NCAM2: variants seen among roughly 807,000 people sequenced by gnomAD.
NCAM2 encodes the protein neural cell adhesion molecule 2.
Under a neutral mutation model 98.1 loss-of-function variants are expected in NCAM2, and 30 were observed. That is an observed-to-expected ratio of 0.31 (90% confidence interval 0.23 to 0.41). The LOEUF is 0.41. NCAM2 is among the 10% of genes least tolerant of loss of function. The pLI, the probability that NCAM2 is intolerant of heterozygous loss-of-function variation, is 1.00. For missense variants in NCAM2, 867 were observed against 1,005.8 expected, an observed-to-expected ratio of 0.86 and a Z score of 1.87; for synonymous variants, 368 against 342.4, an observed-to-expected ratio of 1.07 and a Z score of -0.83.
At chr21:21,502,485 A>T (rs945268739) in intron 15 of NCAM2, among the ~76,000 whole-genome samples, 1 of 151,940 alleles carries the variant, frequency 6.6e-6, no homozygotes, top group Non-Finnish European at 1.5e-5. Context: ...ATTAGATATC[A>T]CCAGGTAGAA....
Position 21,315,277 on chromosome 21 carries a change from G to A in NCAM2, c.620-9106G>A, listed in dbSNP as rs1032492166. 2.4e-4 allele frequency among the ~76,000 whole-genome samples: 36 copies of A among 152,128 alleles called. 1 individual carries two copies. The highest frequency in any genetic ancestry group is 2.2e-3 in the Admixed American group (34 of 15,268). On this transcript the variant is annotated intron_variant, in intron 5 of 17. Transcript: ENST00000400546. ...AAAATCTTAGCAATGTTTAGAATCC[G>A]ATTCAATAAGCACAGGTCAGGACAG... is the stretch of plus-strand genomic sequence containing the variant.
chr21:21,229,110 T>C (rs1389672022), intron 1 of NCAM2, among the ~76,000 whole-genome samples: 1 of 151,492 alleles, frequency 6.6e-6, no homozygotes, highest in Non-Finnish European at 1.5e-5. Flanking sequence ...CTCTACCCTA[T>C]GCTGCCCACA....
intron 1 of NCAM2, among the ~76,000 whole-genome samples, chr21:21,071,982 G>A (rs996696464): frequency 1.3e-5 from 2 of 151,740 alleles, no homozygotes; most frequent in Non-Finnish European, 2.9e-5. Context: ...GCGCGATCTC[G>A]GCTCACTGCA....
chr21:21,004,183 C>G (rs534132280), intron 1 of NCAM2, among the ~76,000 whole-genome samples: 51 of 152,268 alleles, frequency 3.3e-4, no homozygotes, highest in Non-Finnish European at 5.6e-4. Context: ...ATATCTTCAG[C>G]TCAAAGTAAA....
intron 1 of NCAM2, chr21:21,210,506 G>A (rs1488655039): frequency 2.3e-6 from 3 of 1,279,064 alleles, no homozygotes; most frequent in African/African-American, 3.1e-5. Context: ...AACTCAAAGG[G>A]TGTAAGAGAC....
chr21:21,107,292 T>A (rs547078469), intron 1 of NCAM2, among the ~76,000 whole-genome samples: 94 of 152,238 alleles, frequency 6.2e-4, no homozygotes, highest in African/African-American at 2.2e-3. Context: ...ACATGACCTG[T>A]CCAGCACTAT....
intron 1 of NCAM2, among the ~76,000 whole-genome samples, chr21:21,262,283 G>A (rs943098637): frequency 7.2e-5 from 11 of 152,050 alleles, no homozygotes; most frequent in Non-Finnish European, 1.3e-4. Flanking sequence ...GATGTACAAA[G>A]CAGAGCTAGT....
chr21:21,158,072 T>A (rs2067668968), intron 1 of NCAM2, among the ~76,000 whole-genome samples: 1 of 152,280 alleles, frequency 6.6e-6, no homozygotes, highest in Middle Eastern at 3.4e-3. Context: ...TGTTTGCTTA[T>A]TCTGAAATAG....
intron 1 of NCAM2, among the ~76,000 whole-genome samples, chr21:21,011,586 A>T (rs2064212218): frequency 6.6e-6 from 1 of 152,114 alleles, no homozygotes; most frequent in Non-Finnish European, 1.5e-5. Flanking sequence ...TTGTTAGAAC[A>T]TCTAAGATCT....
At chr21:21,044,029 A>G (rs1312467622) in intron 1 of NCAM2, among the ~76,000 whole-genome samples, 1 of 62,270 alleles carries the variant, frequency 1.6e-5, no homozygotes, top group Admixed American at 2.5e-4. Context: ...ATTTTATTTG[A>G]AGACTTTGTG....
intron 15 of NCAM2, among the ~76,000 whole-genome samples, chr21:21,502,062 TA>T (rs1254471393): frequency 2.0e-5 from 3 of 151,912 alleles, no homozygotes; most frequent in East Asian, 3.9e-4. Flanking sequence ...AAATTTTGCC[TA>T]GTTGTTTTGC....
intron 1 of NCAM2, among the ~76,000 whole-genome samples, chr21:21,260,565 A>AAG (rs1308280239): frequency 0.038 from 3 of 78 alleles, no homozygotes; most frequent in Non-Finnish European, 0.25. Flanking sequence ...CTTCTTGAAG[A>AAG]AAAAAAAAAA....
At chr21:21,244,163 C>G (rs2071174090) in intron 1 of NCAM2, among the ~76,000 whole-genome samples, 1 of 152,100 alleles carries the variant, frequency 6.6e-6, no homozygotes, top group Admixed American at 6.6e-5. Context: ...ACAAGGAACA[C>G]AGGCCATCCT....
chr21:21,308,435 C>T (rs1178683146), intron 5 of NCAM2, among the ~76,000 whole-genome samples: 2 of 152,022 alleles, frequency 1.3e-5, no homozygotes, highest in African/African-American at 4.8e-5. Context: ...GTACTATAAA[C>T]ATTATGAATC....
At chr21:21,480,253 G>T (rs1373544511) in intron 15 of NCAM2, among the ~76,000 whole-genome samples, 1 of 151,496 alleles carries the variant, frequency 6.6e-6, no homozygotes, top group African/African-American at 2.4e-5. Context: ...TGTTGTCCCA[G>T]CTACTCGGGA....
intron 1 of NCAM2, among the ~76,000 whole-genome samples, chr21:21,235,493 AATTG>A (rs1427489979): frequency 6.6e-6 from 1 of 152,090 alleles, no homozygotes; most frequent in African/African-American, 2.4e-5. Flanking sequence ...CATTATATTT[AATTG>A]ATTAATTACA....
At chr21:21,335,397 A>C in intron 6 of NCAM2, 108 bp from the exon 7 acceptor site, 6 of 744,878 alleles carry the variant, frequency 8.1e-6, no homozygotes, top group Non-Finnish European at 7.9e-6. Flanking sequence ...CTGTCTTTCA[A>C]TGATGATAGC....
At chr21:21,067,415 A>C (rs1288394716) in intron 1 of NCAM2, among the ~76,000 whole-genome samples, 2 of 152,124 alleles carry the variant, frequency 1.3e-5, no homozygotes, top group Non-Finnish European at 2.9e-5. Context: ...TATATAGACA[A>C]ATAATGGAAT....
At chr21:21,339,351 T>G in intron 8 of NCAM2, among the ~76,000 whole-genome samples, 1 of 152,046 alleles carries the variant, frequency 6.6e-6, no homozygotes, top group East Asian at 1.9e-4. Flanking sequence ...TGCATTCAAC[T>G]TACTTAGAAA....
Sources: gnomAD v4.1 joint callset for allele counts (sites outside exome capture counted in the v4.1 genomes callset) on GRCh38, gnomAD v4.1.1 for gene constraint, MANE v1.5 for transcripts, NCBI Gene and HGNC (gene_info 2026-07-23, HGNC 2026-07-21) for gene names.